Variants in UNC13C observed in about 807,000 individuals in gnomAD.
UNC13C encodes unc-13 homolog C, also known as protein unc-13 homolog C.
In UNC13C, 174 loss-of-function variants were observed where a neutral mutation model predicts 245.4. That is an observed-to-expected ratio of 0.71 (90% CI 0.63 to 0.80). The LOEUF is 0.80. Ranked by LOEUF, UNC13C falls within the 30% of genes least tolerant of loss-of-function variation. The probability of loss-of-function intolerance (pLI) is 0.00; values close to 1 mark genes in which losing one functional copy is unlikely to be tolerated. For synonymous variants in UNC13C, 992 were observed against 895.1 expected (o/e 1.11, Z -1.93); for missense variants, 2,829 against 2,602.9 (o/e 1.09, Z -1.89).
intron 10 of UNC13C, among the ~76,000 whole-genome samples, chr15:54,292,982 T>C (rs769605475): frequency 6.0e-5 from 9 of 149,936 alleles, no homozygotes; most frequent in Non-Finnish European, 1.3e-4. Context: ...ATATAATATG[T>C]ATATTCTCCT....
chr15:54,042,813 A>G (rs1385157973), intron 2 of UNC13C, among the ~76,000 whole-genome samples: 1 of 152,126 alleles, frequency 6.6e-6, no homozygotes, highest in Non-Finnish European at 1.5e-5. Context: ...AGATCGTGCC[A>G]CTGCACTCCA....
At chr15:54,371,090 T>A (rs1173802026) in intron 17 of UNC13C, among the ~76,000 whole-genome samples, 2 of 152,176 alleles carry the variant, frequency 1.3e-5, no homozygotes, top group African/African-American at 4.8e-5. Flanking sequence ...AATTACATAT[T>A]GTACAATTGA....
intron 1 of UNC13C, among the ~76,000 whole-genome samples, chr15:54,005,949 G>A (rs187870388): frequency 3.2e-4 from 48 of 152,274 alleles, no homozygotes; most frequent in African/African-American, 1.0e-3. Context: ...TTGAAATGGT[G>A]GAGGATATTA....
At chr15:54,386,129 C>T (rs2039831856) in intron 17 of UNC13C, among the ~76,000 whole-genome samples, 1 of 152,100 alleles carries the variant, frequency 6.6e-6, no homozygotes, top group Admixed American at 6.6e-5. Flanking sequence ...TAAACTCAAC[C>T]AGGTCTTGGC....
At chr15:54,302,748 A>T (rs1185192966) in intron 13 of UNC13C, among the ~76,000 whole-genome samples, 2 of 152,144 alleles carry the variant, frequency 1.3e-5, no homozygotes, top group African/African-American at 4.8e-5. Context: ...TGTCTTGGCT[A>T]TGCTGGCTCT....
At chr15:54,360,330 G>C (rs1299135986) in intron 17 of UNC13C, among the ~76,000 whole-genome samples, 1 of 152,016 alleles carries the variant, frequency 6.6e-6, no homozygotes, top group Non-Finnish European at 1.5e-5. Flanking sequence ...TCAGTCTTGA[G>C]TGCAGTTTAA....
rs141923972 is a variant in UNC13C, at chr15:54,049,137, C to T, written c.2983+33251C>T. ...AGCAATTTTCAAGATTGCATCCTTA[C>T]GAGGAAGAAGCTTTCCATCATCTAA... is the stretch of plus-strand genomic sequence containing the variant. On this transcript the variant is annotated intron_variant, in intron 2 of 32. Coordinates refer to ENST00000260323, the MANE Select transcript of UNC13C (RefSeq NM_001080534.3). 3.4e-4 allele frequency: 129 copies of T among 381,810 alleles called. 1 individual carries two copies. In the East Asian group the frequency reaches 4.3e-3, roughly 13 times the overall value. 23.7% of individuals were successfully genotyped at this position (381,810 alleles called of 1,614,324 possible).
At chr15:54,502,154 G>A (rs1282641443) in intron 22 of UNC13C, among the ~76,000 whole-genome samples, 1 of 152,142 alleles carries the variant, frequency 6.6e-6, no homozygotes, top group Non-Finnish European at 1.5e-5. Flanking sequence ...CATTCAACAA[G>A]TGCTTGCCTA....
chr15:53,927,229 G>C, the UNC13C span, among the ~76,000 whole-genome samples: 145 of 152,304 alleles, frequency 9.5e-4, 2 homozygotes, highest in African/African-American at 3.3e-3. Context: ...ATTTAACCTA[G>C]GCTCTGGAGT....
At chr15:54,064,451 C>CT (rs1328834164) in intron 2 of UNC13C, among the ~76,000 whole-genome samples, 2 of 152,154 alleles carry the variant, frequency 1.3e-5, no homozygotes, top group Non-Finnish European at 2.9e-5. Flanking sequence ...CACTGTGCTC[C>CT]TTAGGATCAG....
chr15:54,482,627 T>G, intron 19 of UNC13C, among the ~76,000 whole-genome samples: 1 of 152,208 alleles, frequency 6.6e-6, no homozygotes, highest in Non-Finnish European at 1.5e-5. Flanking sequence ...TCCACTGTTC[T>G]CTCCCAGATG....
At chr15:54,410,977 T>G (rs1344898681) in intron 18 of UNC13C, among the ~76,000 whole-genome samples, 11 of 152,216 alleles carry the variant, frequency 7.2e-5, no homozygotes, top group African/African-American at 2.7e-4. Flanking sequence ...CTCCTCTGCA[T>G]GCTTGCATGT....
At chr15:54,234,167 C>T (rs968653824) in intron 4 of UNC13C, among the ~76,000 whole-genome samples, 9 of 151,800 alleles carry the variant, frequency 5.9e-5, no homozygotes, top group African/African-American at 2.2e-4. Flanking sequence ...TTATCAATTT[C>T]ATAATTATTT....
Position 54,626,906 on chromosome 15 carries a change from T to C in UNC13C, c.6438T>C (p.Asp2146=). 3 of 1,613,312 alleles carry C rather than the reference T, an allele frequency of 1.9e-6. No individual in the cohort carries two copies. Among genetic ancestry groups the C allele is most frequent in the Non-Finnish European group, 2.5e-6 (3 of 1,179,550 alleles). Residue 2146 remains aspartate (D), a synonymous_variant, in exon 33 of 33, where the codon GAT becomes GAC. Transcript: ENST00000260323. ...AGGATTACTGCTTTGCCAGAGAAGA[T>C]CGAATTATCGGAATGACAGTCATTC... ...SVKDYCFARE[D]RIIGMTVIQL...
chr15:53,965,924 C>T, the UNC13C span, among the ~76,000 whole-genome samples: 1 of 152,106 alleles, frequency 6.6e-6, no homozygotes, highest in African/African-American at 2.4e-5. Context: ...GCATAGTATT[C>T]CATGGTGTAT....
intron 19 of UNC13C, among the ~76,000 whole-genome samples, chr15:54,448,765 C>T (rs1239233773): frequency 2.0e-5 from 3 of 152,116 alleles, no homozygotes; most frequent in Non-Finnish European, 2.9e-5. Context: ...GAGCATTTAG[C>T]CCATTTACAT....
At chr15:54,172,729 T>C (rs1362479658) in intron 4 of UNC13C, among the ~76,000 whole-genome samples, 1 of 58,058 alleles carries the variant, frequency 1.7e-5, no homozygotes, top group Non-Finnish European at 3.3e-5. Flanking sequence ...TATATATATA[T>C]ATATATATAT....
At chr15:54,533,891 C>T (rs1206533895) in intron 26 of UNC13C, among the ~76,000 whole-genome samples, 1 of 152,146 alleles carries the variant, frequency 6.6e-6, no homozygotes, top group African/African-American at 2.4e-5. Context: ...AAAACCAGAA[C>T]TGAATGTACA....
intron 4 of UNC13C, among the ~76,000 whole-genome samples, chr15:54,231,569 A>G (rs1034659063): frequency 2.0e-5 from 3 of 152,078 alleles, no homozygotes; most frequent in Non-Finnish European, 2.9e-5. Context: ...AAAAAAATAA[A>G]ATGAGTTAAC....
Sources: allele counts gnomAD v4.1 joint callset (sites outside exome capture counted in the v4.1 genomes callset), GRCh38; gene constraint gnomAD v4.1.1; transcripts MANE v1.5; gene names NCBI Gene and HGNC (gene_info 2026-07-23, HGNC 2026-07-21).